Variants in NTM observed in about 807,000 individuals in gnomAD.
NTM encodes neurotrimin.
NTM carries 13 observed loss-of-function variants against 42.1 expected under a neutral mutation model. The observed-to-expected ratio is 0.31, with a 90% confidence interval of 0.20 to 0.49. NTM has a LOEUF of 0.49. Among genes scored for constraint, NTM ranks in the 20% least tolerant of loss-of-function variants. The pLI is 0.99. For synonymous variants in NTM, 187 were observed against 179.2 expected (o/e 1.04, Z -0.35); for missense variants, 373 against 452.8 (o/e 0.82, Z 1.60).
chr11:132,096,251 A>C (rs1275424798), intron 2 of NTM, among the ~76,000 whole-genome samples: 1 of 152,110 alleles, frequency 6.6e-6, no homozygotes, highest in Non-Finnish European at 1.5e-5. Flanking sequence ...ACATTACTAG[A>C]GTAACAGAGT....
At chr11:131,768,348 C>T (rs1285624345) in intron 1 of NTM, among the ~76,000 whole-genome samples, 1 of 152,086 alleles carries the variant, frequency 6.6e-6, no homozygotes, top group East Asian at 1.9e-4. Flanking sequence ...GAACTCCCAA[C>T]CTCAGGTGAT....
rs114349105 is a variant in NTM at position 131,406,698 on chromosome 11, T to C, written c.82+35810T>C. Among the ~76,000 whole-genome samples the C allele has an allele frequency of 1.8e-3, 269 of 152,348 alleles. 1 individual carries two copies. The highest frequency in any genetic ancestry group is 6.1e-3 in the African/African-American group (254 of 41,590). ...TGTAATAAAAGTAATATACATGTGA[T>C]CTTGATCTCTCTCACAAAATATCAC... On this transcript the variant is annotated intron_variant, in intron 1 of 8. Coordinates refer to ENST00000683400, the MANE Select transcript of NTM (RefSeq NM_001352005.2).
intron 1 of NTM, among the ~76,000 whole-genome samples, chr11:131,625,099 T>A (rs1043614322): frequency 6.6e-6 from 1 of 152,238 alleles, no homozygotes; most frequent in Non-Finnish European, 1.5e-5. Context: ...ACACTGCCTA[T>A]TGAGTTTATT....
intron 1 of NTM, among the ~76,000 whole-genome samples, chr11:131,896,213 A>G (rs926275397): frequency 1.3e-5 from 2 of 152,224 alleles, no homozygotes; most frequent in Non-Finnish European, 2.9e-5. Context: ...AATATTTTAT[A>G]ATACCCTCAT....
chr11:132,152,330 C>A (rs564061198), intron 3 of NTM, among the ~76,000 whole-genome samples: 2 of 152,276 alleles, frequency 1.3e-5, no homozygotes, highest in East Asian at 3.9e-4. Flanking sequence ...TGATCCAATT[C>A]GAAATAGACT....
chr11:132,099,898 CCTT>C (rs1033656393), intron 2 of NTM, among the ~76,000 whole-genome samples: 3 of 152,114 alleles, frequency 2.0e-5, no homozygotes, highest in African/African-American at 7.2e-5. Context: ...TGGTGAGCCT[CCTT>C]AAAACCTTAA....
chr11:131,575,568 T>C (rs2057851333), intron 1 of NTM, among the ~76,000 whole-genome samples: 1 of 152,206 alleles, frequency 6.6e-6, no homozygotes, highest in African/African-American at 2.4e-5. Context: ...GTTAGATCGC[T>C]ATAACTTTTA....
At chr11:132,264,476 A>G (rs777376661) in intron 4 of NTM, among the ~76,000 whole-genome samples, 2 of 152,190 alleles carry the variant, frequency 1.3e-5, no homozygotes, top group Non-Finnish European at 2.9e-5. Context: ...TTTATTTTAT[A>G]GTATCATTTG....
chr11:131,982,527 TCCAG>T (rs1249710100), intron 2 of NTM, among the ~76,000 whole-genome samples: 10 of 152,080 alleles, frequency 6.6e-5, no homozygotes, highest in Non-Finnish European at 1.3e-4. Context: ...TCTGGCTTCT[TCCAG>T]CCAGGGTGCT....
At chr11:132,077,144 G>A (rs909313249) in intron 2 of NTM, among the ~76,000 whole-genome samples, 2 of 152,204 alleles carry the variant, frequency 1.3e-5, no homozygotes, top group African/African-American at 4.8e-5. Context: ...ACTTGTTGGT[G>A]ACACATGCGA....
chr11:131,675,526 G>A (rs2071224555), intron 1 of NTM, among the ~76,000 whole-genome samples: 1 of 152,148 alleles, frequency 6.6e-6, no homozygotes, highest in Non-Finnish European at 1.5e-5. Flanking sequence ...CATTTCTCAT[G>A]ACAGCCCAAT....
chr11:131,754,801 A>G (rs1350083728), intron 1 of NTM, among the ~76,000 whole-genome samples: 1 of 152,204 alleles, frequency 6.6e-6, no homozygotes, highest in Non-Finnish European at 1.5e-5. Context: ...TCAACAGATG[A>G]GTGGATAAAC....
chr11:131,726,858 T>A (rs761385254), intron 1 of NTM, among the ~76,000 whole-genome samples: 1 of 151,256 alleles, frequency 6.6e-6, no homozygotes, highest in African/African-American at 2.5e-5. Context: ...GGAATACAGG[T>A]GTGCACCACC....
chr11:132,283,239 C>T (rs1460173167), intron 4 of NTM, among the ~76,000 whole-genome samples: 1 of 152,080 alleles, frequency 6.6e-6, no homozygotes, highest in East Asian at 1.9e-4. Context: ...CCTGCCTCAG[C>T]CTCCTAAAGT....
At chr11:132,082,639 A>G (rs544203022) in intron 2 of NTM, among the ~76,000 whole-genome samples, 9 of 152,172 alleles carry the variant, frequency 5.9e-5, no homozygotes, top group East Asian at 3.9e-4. Context: ...TCCTCCCTCT[A>G]TGATTCCCCC....
intron 4 of NTM, among the ~76,000 whole-genome samples, chr11:132,303,633 G>A (rs1562698): frequency 0.18 from 27,837 of 151,236 alleles, 3,012 homozygotes; most frequent in Middle Eastern, 0.27. Flanking sequence ...ACCCATAATA[G>A]GGTGTTTGCA....
At chr11:131,385,798 C>CAGTG (rs1191501857) in intron 1 of NTM, among the ~76,000 whole-genome samples, 1 of 152,170 alleles carries the variant, frequency 6.6e-6, no homozygotes, top group East Asian at 1.9e-4. Flanking sequence ...TTCAAGGCTA[C>CAGTG]AGTGAGCTAT....
intron 2 of NTM, among the ~76,000 whole-genome samples, chr11:131,978,331 T>C (rs137991400): frequency 1.3e-5 from 2 of 152,308 alleles, no homozygotes; most frequent in African/African-American, 4.8e-5. Flanking sequence ...TTTAAAACAG[T>C]AATAGACTCA....
At chr11:131,985,762 A>G (rs2065963851) in intron 2 of NTM, among the ~76,000 whole-genome samples, 1 of 152,208 alleles carries the variant, frequency 6.6e-6, no homozygotes, top group African/African-American at 2.4e-5. Flanking sequence ...AGGTGGGAAA[A>G]TGGCATCGAG....
Sources: allele counts gnomAD v4.1 joint callset (sites outside exome capture counted in the v4.1 genomes callset), GRCh38; gene constraint gnomAD v4.1.1; transcripts MANE v1.5; gene names NCBI Gene and HGNC (gene_info 2026-07-23, HGNC 2026-07-21).